The following TTC28 variants were observed in gnomAD, a reference collection of about 807,000 sequenced individuals.
TTC28 encodes tetratricopeptide repeat domain 28.
A neutral mutation model predicts 198.0 loss-of-function variants in TTC28; 61 were observed. That is an observed-to-expected ratio of 0.31 (90% CI 0.25 to 0.38). The LOEUF (loss-of-function observed/expected upper bound fraction) is 0.38, where lower values mean the gene tolerates loss of function less well. TTC28 is among the 10% of genes least tolerant of loss of function. The pLI is 1.00. For synonymous variants in TTC28, 1,171 were observed against 1,297.8 expected (o/e 0.90, Z 2.10); for missense variants, 2,678 against 3,164.0 (o/e 0.85, Z 3.69).
intron 2 of TTC28, among the ~76,000 whole-genome samples, chr22:28,589,579 T>G (rs2050386663): frequency 6.6e-6 from 1 of 152,218 alleles, no homozygotes; most frequent in Non-Finnish European, 1.5e-5. Flanking sequence ...GAACCTGTTC[T>G]GGTTTTGAGG....
chr22:28,479,361 G>A (rs569822967), intron 2 of TTC28, among the ~76,000 whole-genome samples: 1 of 152,152 alleles, frequency 6.6e-6, no homozygotes, highest in Admixed American at 6.5e-5. Flanking sequence ...CATCAGAAAT[G>A]ACTACAAACC....
chr22:28,590,032 A>G (rs1386178525), intron 2 of TTC28, among the ~76,000 whole-genome samples: 13 of 82,536 alleles, frequency 1.6e-4, no homozygotes, highest in Non-Finnish European at 2.4e-4. Flanking sequence ...ACAAGACTCC[A>G]TCAAAAAAAA....
chr22:28,515,920 A>C (rs2048776603), intron 2 of TTC28, among the ~76,000 whole-genome samples: 1 of 152,154 alleles, frequency 6.6e-6, no homozygotes, highest in Admixed American at 6.6e-5. Flanking sequence ...TGAGGTGGGC[A>C]AATCACCTGA....
intron 2 of TTC28, among the ~76,000 whole-genome samples, chr22:28,471,986 A>C (rs2048101997): frequency 6.6e-6 from 1 of 152,094 alleles, no homozygotes; most frequent in Non-Finnish European, 1.5e-5. Flanking sequence ...TGAATCTTCA[A>C]CATTTAATAA....
chr22:28,653,580 G>A (rs1407049840), intron 1 of TTC28, among the ~76,000 whole-genome samples: 1 of 150,952 alleles, frequency 6.6e-6, no homozygotes, highest in Non-Finnish European at 1.5e-5. Flanking sequence ...TGGAGAGACC[G>A]CTCATACCTG....
intron 2 of TTC28, among the ~76,000 whole-genome samples, chr22:28,620,790 G>C (rs2050982401): frequency 6.6e-6 from 1 of 152,184 alleles, no homozygotes; most frequent in Admixed American, 6.5e-5. Context: ...AGTGTTTTGA[G>C]AAAGTTAGCC....
chr22:28,226,677 C>G (rs1165429079), intron 5 of TTC28, among the ~76,000 whole-genome samples: 2 of 152,176 alleles, frequency 1.3e-5, no homozygotes, highest in Non-Finnish European at 2.9e-5. Context: ...ATCCACCCGC[C>G]TTGGCCTCCC....
intron 2 of TTC28, among the ~76,000 whole-genome samples, chr22:28,573,409 G>A (rs6005818): frequency 2.6e-5 from 4 of 151,812 alleles, no homozygotes; most frequent in African/African-American, 9.7e-5. Flanking sequence ...AGCCGTGATC[G>A]CGCCACTGCA....
In TTC28 at chr22:28,261,832, T is replaced by C. The variant is rs16986222; in HGVS notation, c.933+34366A>G. Among the ~76,000 whole-genome samples the C allele has an allele frequency of 3.0e-3, 464 of 152,228 alleles. 4 individuals are homozygous for C. The highest frequency in any genetic ancestry group is 0.011 in the African/African-American group (445 of 41,552). Reference sequence around the variant, plus strand: ...AGCCTCTCAAGTAGCTAGGATATCATACATCTAGTCCCATAGAATCATCTC... The same window carrying C: ...AGCCTCTCAAGTAGCTAGGATATCACACATCTAGTCCCATAGAATCATCTC... On this transcript the variant is annotated intron_variant, in intron 5 of 22. Coordinates refer to ENST00000397906, the MANE Select transcript of TTC28 (RefSeq NM_001145418.2).
intron 1 of TTC28, among the ~76,000 whole-genome samples, chr22:28,647,963 G>A (rs369303190): frequency 1.3e-5 from 2 of 151,840 alleles, no homozygotes; most frequent in Admixed American, 6.6e-5. Flanking sequence ...GGTGGCTCAC[G>A]CCTGTAATCC....
chr22:28,256,377 T>C (rs1362245234), intron 5 of TTC28, among the ~76,000 whole-genome samples: 3 of 144,184 alleles, frequency 2.1e-5, no homozygotes, highest in Non-Finnish European at 4.5e-5. Flanking sequence ...GCCAAGATCA[T>C]GCCATTGCAC....
chr22:28,163,023 A>C, intron 6 of TTC28, 69 bp downstream of exon 6: 1 of 1,438,462 alleles, frequency 7.0e-7, no homozygotes, highest in Non-Finnish European at 9.2e-7. Flanking sequence ...TATAAAAGAT[A>C]GTGATCTACT....
chr22:28,149,380 A>G (rs1188243515), intron 6 of TTC28, among the ~76,000 whole-genome samples: 1 of 152,182 alleles, frequency 6.6e-6, no homozygotes, highest in Non-Finnish European at 1.5e-5. Flanking sequence ...ATGAGTGGAT[A>G]AAAAAATGTG....
intron 2 of TTC28, among the ~76,000 whole-genome samples, chr22:28,584,059 A>G (rs545619825): frequency 3.3e-4 from 47 of 144,318 alleles, no homozygotes; most frequent in African/African-American, 1.1e-3. Context: ...AGCTGACTGC[A>G]GCCTGAAACT....
At chr22:28,587,740 C>G (rs537264445) in intron 2 of TTC28, among the ~76,000 whole-genome samples, 1 of 152,104 alleles carries the variant, frequency 6.6e-6, no homozygotes, top group African/African-American at 2.4e-5. Context: ...AGCCACCATG[C>G]CTGGCCTCAA....
At chr22:28,486,326 T>C (rs2048314508) in intron 2 of TTC28, among the ~76,000 whole-genome samples, 1 of 152,092 alleles carries the variant, frequency 6.6e-6, no homozygotes. Flanking sequence ...ATCAGAGATA[T>C]GGAAGGAAGA....
intron 5 of TTC28, among the ~76,000 whole-genome samples, chr22:28,199,033 A>C (rs1168892567): frequency 6.6e-6 from 1 of 152,132 alleles, no homozygotes; most frequent in African/African-American, 2.4e-5. Flanking sequence ...GTTAAACAAA[A>C]AGAGTAGTTT....
At chr22:28,266,556 C>T (rs113741027) in intron 5 of TTC28, among the ~76,000 whole-genome samples, 3 of 152,258 alleles carry the variant, frequency 2.0e-5, no homozygotes, top group African/African-American at 7.2e-5. Context: ...CAAGCACTTG[C>T]TCCTTGTTTT....
intron 2 of TTC28, among the ~76,000 whole-genome samples, chr22:28,321,953 T>C (rs1477887219): frequency 6.6e-6 from 1 of 152,114 alleles, no homozygotes; most frequent in African/African-American, 2.4e-5. Context: ...TGCCTCAGCT[T>C]CCTGAGTAGC....
Sources: allele counts gnomAD v4.1 joint callset (sites outside exome capture counted in the v4.1 genomes callset), GRCh38; gene constraint gnomAD v4.1.1; transcripts MANE v1.5; gene names NCBI Gene and HGNC (gene_info 2026-07-23, HGNC 2026-07-21).